CTNNA3: variants seen among roughly 807,000 people sequenced by gnomAD.
The protein encoded by CTNNA3 is catenin alpha-3.
In CTNNA3, 76 loss-of-function variants were observed where a neutral mutation model predicts 95.7. The observed-to-expected ratio is 0.79, with a 90% confidence interval of 0.66 to 0.96. CTNNA3 has a LOEUF of 0.96. Among genes scored for constraint, CTNNA3 ranks in the 40% least tolerant of loss-of-function variants. The probability of loss-of-function intolerance (pLI) is 0.00; values close to 1 mark genes in which losing one functional copy is unlikely to be tolerated. For synonymous variants in CTNNA3, 431 were observed against 374.4 expected (o/e 1.15, Z -1.74); for missense variants, 1,191 against 1,089.8 (o/e 1.09, Z -1.31).
intron 5 of CTNNA3, among the ~76,000 whole-genome samples, chr10:67,233,709 T>G (rs1195093373): frequency 6.7e-6 from 1 of 148,290 alleles, no homozygotes; most frequent in Non-Finnish European, 1.5e-5. Context: ...TTCAAAAAAT[T>G]AATGAATCCA....
chr10:67,402,415 T>A (rs140085565), intron 5 of CTNNA3, among the ~76,000 whole-genome samples: 7 of 152,068 alleles, frequency 4.6e-5, no homozygotes, highest in Non-Finnish European at 1.0e-4. Context: ...TTGAGAAAGA[T>A]GAAGAGCAGA....
chr10:66,025,912 C>T (rs895059512), intron 15 of CTNNA3, among the ~76,000 whole-genome samples: 19 of 152,142 alleles, frequency 1.2e-4, no homozygotes, highest in Non-Finnish European at 2.4e-4. Context: ...AGAAGCAGCA[C>T]ATATGCTGTA....
At chr10:66,392,193 G>A (rs1167576966) in intron 11 of CTNNA3, among the ~76,000 whole-genome samples, 2 of 152,100 alleles carry the variant, frequency 1.3e-5, no homozygotes, top group Non-Finnish European at 2.9e-5. Context: ...CACTTTGGGA[G>A]GCTGAGGAGG....
intron 5 of CTNNA3, among the ~76,000 whole-genome samples, chr10:67,439,942 T>C (rs904169681): frequency 6.6e-6 from 1 of 152,186 alleles, no homozygotes; most frequent in Non-Finnish European, 1.5e-5. Flanking sequence ...TCTTTCTGCC[T>C]GAGAAAAGCA....
chr10:67,476,774 T>C (rs1190971793), intron 5 of CTNNA3, among the ~76,000 whole-genome samples: 1 of 151,154 alleles, frequency 6.6e-6, no homozygotes, highest in Non-Finnish European at 1.5e-5. Flanking sequence ...ATGTACTCCA[T>C]ACCCCTGCAT....
intron 13 of CTNNA3, among the ~76,000 whole-genome samples, chr10:66,195,239 C>T (rs1321918896): frequency 1.3e-5 from 2 of 151,918 alleles, no homozygotes; most frequent in East Asian, 3.9e-4. Context: ...CCTTTATTTT[C>T]TCTATATATA....
chr10:67,519,041 AGT>A (rs1252965795), intron 5 of CTNNA3, among the ~76,000 whole-genome samples: 1 of 152,132 alleles, frequency 6.6e-6, no homozygotes, highest in Non-Finnish European at 1.5e-5. Context: ...TTTCAACATT[AGT>A]CTTTTTGAAA....
At position 66,490,335 on chromosome 10, in the gene CTNNA3, T is replaced by C. The variant is rs1261119263; in HGVS notation, c.1531+30282A>G. Among the ~76,000 whole-genome samples, 3 of 152,152 alleles carry C rather than the reference T, an allele frequency of 2.0e-5. No individual in the cohort carries two copies. In the East Asian group the frequency reaches 5.8e-4, roughly 29 times the overall value. ...TCATTTCAAGTTTGTAAGACAAAAGTTGAGGAGCAATATGACATCAATCTT... is the reference window on the plus strand; with the variant it reads ...TCATTTCAAGTTTGTAAGACAAAAGCTGAGGAGCAATATGACATCAATCTT... On this transcript the variant is annotated intron_variant, in intron 11 of 17. Transcript: ENST00000433211.
intron 5 of CTNNA3, among the ~76,000 whole-genome samples, chr10:67,277,930 C>A (rs1285732509): frequency 1.3e-5 from 2 of 152,218 alleles, no homozygotes; most frequent in East Asian, 3.9e-4. Flanking sequence ...GGCATATAAT[C>A]AAGAAATAAC....
At chr10:66,247,955 A>T (rs1199742660) in intron 13 of CTNNA3, among the ~76,000 whole-genome samples, 1 of 152,210 alleles carries the variant, frequency 6.6e-6, no homozygotes, top group Non-Finnish European at 1.5e-5. Context: ...AGAATATTAT[A>T]ACACTGTAAT....
intron 5 of CTNNA3, among the ~76,000 whole-genome samples, chr10:67,370,890 A>T (rs1843406394): frequency 6.8e-6 from 1 of 146,298 alleles, no homozygotes; most frequent in South Asian, 2.1e-4. Flanking sequence ...TTTTTGAGAC[A>T]GAGTCTCGCT....
rs952735419 is a variant in CTNNA3 at position 66,618,685 on chromosome 10, G to A, written c.1374+3007C>T. ...CATGTCTAAAACACCTAAAGCAATGGCAACAAAAGCCAAAATTGACAAATG... is the reference window on the plus strand; with the variant it reads ...CATGTCTAAAACACCTAAAGCAATGACAACAAAAGCCAAAATTGACAAATG... On this transcript the variant is annotated intron_variant, in intron 10 of 17. Coordinates refer to ENST00000433211, the MANE Select transcript of CTNNA3 (RefSeq NM_013266.4). Among the ~76,000 whole-genome samples the A allele has an allele frequency of 4.7e-3, 712 of 152,176 alleles. 6 individuals carry two copies. Among genetic ancestry groups the A allele is most frequent in the African/African-American group, 0.017 (693 of 41,518 alleles).
chr10:67,182,044 T>C (rs575765898), intron 6 of CTNNA3, among the ~76,000 whole-genome samples: 553 of 152,048 alleles, frequency 3.6e-3, no homozygotes, highest in Admixed American at 6.5e-3. Context: ...TAAAAGAGGA[T>C]ACAAACAAAT....
chr10:66,027,722 A>T (rs977395217), intron 15 of CTNNA3, among the ~76,000 whole-genome samples: 1 of 152,204 alleles, frequency 6.6e-6, no homozygotes, highest in Admixed American at 6.5e-5. Context: ...CTCCAGACTC[A>T]GCAACACTAG....
chr10:67,603,911 A>C (rs1843168023), intron 3 of CTNNA3, among the ~76,000 whole-genome samples: 1 of 152,226 alleles, frequency 6.6e-6, no homozygotes, highest in African/African-American at 2.4e-5. Flanking sequence ...CACTGAGAGC[A>C]ACTTCCAGTC....
At chr10:66,788,031 C>T (rs1410697336) in intron 7 of CTNNA3, among the ~76,000 whole-genome samples, 3 of 152,244 alleles carry the variant, frequency 2.0e-5, no homozygotes, top group East Asian at 1.9e-4. Flanking sequence ...AATATATATG[C>T]TATTCTTCAT....
At chr10:66,379,417 A>G (rs2092819886) in intron 11 of CTNNA3, 65 bp from the exon 12 acceptor site, 2 of 1,299,824 alleles carry the variant, frequency 1.5e-6, no homozygotes, top group African/African-American at 1.5e-5. Context: ...CAAATCTAGC[A>G]TATTATAATT....
chr10:67,470,542 T>C (rs1847777934), intron 5 of CTNNA3, among the ~76,000 whole-genome samples: 1 of 152,182 alleles, frequency 6.6e-6, no homozygotes, highest in Admixed American at 6.5e-5. Flanking sequence ...ATTATATATT[T>C]GATAGATCAC....
intron 11 of CTNNA3, among the ~76,000 whole-genome samples, chr10:66,449,399 G>A (rs528828111): frequency 2.6e-5 from 4 of 152,006 alleles, no homozygotes; most frequent in South Asian, 2.1e-4. Context: ...CCACAGGCAC[G>A]GTGCTGGATC....
Sources: gnomAD v4.1 joint callset for allele counts (sites outside exome capture counted in the v4.1 genomes callset) on GRCh38, gnomAD v4.1.1 for gene constraint, MANE v1.5 for transcripts, NCBI Gene and HGNC (gene_info 2026-07-23, HGNC 2026-07-21) for gene names.